The following NXPH1 variants were observed in gnomAD, a reference collection of about 807,000 sequenced individuals.
The protein encoded by NXPH1 is neurexophilin 1, also known as neurexophilin-1.
In NXPH1, 5 loss-of-function variants were observed where a neutral mutation model predicts 23.7. The observed-to-expected ratio is 0.21, with a 90% CI of 0.11 to 0.44. NXPH1 has a LOEUF of 0.44. Ranked by LOEUF, NXPH1 falls within the 20% of genes least tolerant of loss-of-function variation. NXPH1 has a pLI of 0.99. For missense variants in NXPH1, 324 were observed against 321.6 expected (o/e 1.01, Z -0.06); for synonymous variants, 144 against 122.2 (o/e 1.18, Z -1.18).
chr7:8,633,592 T>C (rs1348399855), intron 2 of NXPH1, among the ~76,000 whole-genome samples: 1 of 152,218 alleles, frequency 6.6e-6, no homozygotes, highest in Non-Finnish European at 1.5e-5. Context: ...CATTCATTTA[T>C]AAAACCCAAA....
chr7:8,494,800 C>T (rs934176152), intron 2 of NXPH1, among the ~76,000 whole-genome samples: 1 of 152,030 alleles, frequency 6.6e-6, no homozygotes, highest in Non-Finnish European at 1.5e-5. Context: ...TAGAATACAA[C>T]TCAACTGGTT....
At chr7:8,449,511 T>C (rs1254850595) in intron 2 of NXPH1, among the ~76,000 whole-genome samples, 1 of 152,200 alleles carries the variant, frequency 6.6e-6, no homozygotes, top group African/African-American at 2.4e-5. Flanking sequence ...CTATTAATAT[T>C]AGGTCATATT....
intron 2 of NXPH1, among the ~76,000 whole-genome samples, chr7:8,676,625 G>A (rs1820957393): frequency 1.3e-5 from 2 of 152,116 alleles, no homozygotes; most frequent in South Asian, 4.1e-4. Context: ...GGTGACTTAG[G>A]ATTCCAAGAT....
At chr7:8,543,444 AT>A (rs2128618717) in intron 2 of NXPH1, among the ~76,000 whole-genome samples, 1 of 151,696 alleles carries the variant, frequency 6.6e-6, no homozygotes, top group East Asian at 2.0e-4. Context: ...TTAATTTTGT[AT>A]TCAGCAGGTT....
intron 2 of NXPH1, among the ~76,000 whole-genome samples, chr7:8,668,656 A>AGG (rs1820819216): frequency 6.6e-6 from 1 of 151,596 alleles, no homozygotes; most frequent in Admixed American, 6.6e-5. Context: ...CTGAGTCTGC[A>AGG]GGGGCTGACC....
intron 2 of NXPH1, among the ~76,000 whole-genome samples, chr7:8,615,824 G>T (rs1049447435): frequency 6.6e-6 from 1 of 152,060 alleles, no homozygotes; most frequent in African/African-American, 2.4e-5. Flanking sequence ...AGGATGACAA[G>T]TGCTACATAA....
intron 2 of NXPH1, among the ~76,000 whole-genome samples, chr7:8,458,061 T>C (rs372047881): frequency 1.7e-4 from 26 of 152,340 alleles, no homozygotes; most frequent in African/African-American, 5.8e-4. Flanking sequence ...ATTTCAAAAA[T>C]TATGAAAATA....
chr7:8,638,789 T>A (rs1302271569), intron 2 of NXPH1, among the ~76,000 whole-genome samples: 3 of 152,186 alleles, frequency 2.0e-5, no homozygotes, highest in Non-Finnish European at 4.4e-5. Context: ...ATTTGTAATA[T>A]AACCCATCTT....
intron 2 of NXPH1, among the ~76,000 whole-genome samples, chr7:8,492,943 G>A (rs1043745366): frequency 6.6e-6 from 1 of 151,936 alleles, no homozygotes; most frequent in Non-Finnish European, 1.5e-5. Flanking sequence ...AGAAGGAAAG[G>A]CCTTTTCTTT....
intron 2 of NXPH1, among the ~76,000 whole-genome samples, chr7:8,508,293 T>C (rs1001664255): frequency 1.3e-5 from 2 of 152,126 alleles, no homozygotes; most frequent in African/African-American, 4.8e-5. Context: ...CTTTGATTGA[T>C]TGTTAAGGGC....
At chr7:8,552,377 T>C (rs1818293115) in intron 2 of NXPH1, among the ~76,000 whole-genome samples, 1 of 151,436 alleles carries the variant, frequency 6.6e-6, no homozygotes, top group Admixed American at 6.6e-5. Context: ...TTAATTTTTT[T>C]TTCTTTTCTT....
At chr7:8,446,199 G>C (rs548119414) in intron 2 of NXPH1, among the ~76,000 whole-genome samples, 1 of 152,184 alleles carries the variant, frequency 6.6e-6, no homozygotes, top group African/African-American at 2.4e-5. Context: ...TTTTGAGTGA[G>C]TTTGACAATG....
chr7:8,674,296 T>C lies in NXPH1; in HGVS notation c.55-76712T>C, dbSNP rs114226962. The stretch of plus-strand genomic sequence containing the variant: ...AAAATTGAAGATGAGAAAAATTCTG[T>C]GGGTTGCCTAAAGGGATGACTAAAC... On this transcript the variant is annotated intron_variant, in intron 2 of 2. Transcript: ENST00000405863. Among the ~76,000 whole-genome samples, 863 of 152,116 alleles carry C rather than the reference T, an allele frequency of 5.7e-3. 7 individuals carry two copies. Among genetic ancestry groups the C allele is most frequent in the African/African-American group, 0.02 (825 of 41,512 alleles).
intron 2 of NXPH1, among the ~76,000 whole-genome samples, chr7:8,534,683 T>G (rs981535511): frequency 6.6e-6 from 1 of 152,164 alleles, no homozygotes; most frequent in African/African-American, 2.4e-5. Context: ...CATTTATAAA[T>G]TATCGTACTC....
At chr7:8,521,854 G>A (rs1329818064) in intron 2 of NXPH1, among the ~76,000 whole-genome samples, 1 of 152,126 alleles carries the variant, frequency 6.6e-6, no homozygotes, top group Non-Finnish European at 1.5e-5. Flanking sequence ...ACCAGTGTGG[G>A]TGGAAGCGAT....
intron 2 of NXPH1, among the ~76,000 whole-genome samples, chr7:8,572,036 A>T (rs551484503): frequency 1.3e-5 from 2 of 152,102 alleles, no homozygotes; most frequent in South Asian, 4.1e-4. Context: ...TCACTCCCCA[A>T]CTCAGAGTTG....
At chr7:8,456,112 G>A (rs1316482987) in intron 2 of NXPH1, among the ~76,000 whole-genome samples, 2 of 152,150 alleles carry the variant, frequency 1.3e-5, no homozygotes, top group Non-Finnish European at 2.9e-5. Flanking sequence ...TGGGTTACAC[G>A]TGTTGGAATG....
At chr7:8,621,205 G>A (rs1819861868) in intron 2 of NXPH1, among the ~76,000 whole-genome samples, 1 of 152,162 alleles carries the variant, frequency 6.6e-6, no homozygotes, top group African/African-American at 2.4e-5. Context: ...AGATTCAAAA[G>A]TGATAGTCAC....
intron 2 of NXPH1, among the ~76,000 whole-genome samples, chr7:8,563,236 C>A (rs1464668892): frequency 6.6e-6 from 1 of 151,664 alleles, no homozygotes; most frequent in Non-Finnish European, 1.5e-5. Flanking sequence ...TTCTAGTGTA[C>A]AGCACTACTT....
Sources: gnomAD v4.1 joint callset for allele counts (sites outside exome capture counted in the v4.1 genomes callset) on GRCh38, gnomAD v4.1.1 for gene constraint, MANE v1.5 for transcripts, NCBI Gene and HGNC (gene_info 2026-07-23, HGNC 2026-07-21) for gene names.